The following NEGR1 variants were observed in gnomAD, a reference collection of about 807,000 sequenced individuals.
NEGR1 encodes the protein IgLON family member 4.
A neutral mutation model predicts 40.9 loss-of-function variants in NEGR1; 10 were observed. That is an observed-to-expected ratio of 0.24 (90% CI 0.15 to 0.42). NEGR1 has a LOEUF of 0.42. NEGR1 is among the 10% of genes least tolerant of loss of function. The probability of loss-of-function intolerance (pLI) is 1.00; values close to 1 mark genes in which losing one functional copy is unlikely to be tolerated. For synonymous variants in NEGR1, 185 were observed against 166.8 expected (o/e 1.11, Z -0.84); for missense variants, 352 against 438.9 (o/e 0.80, Z 1.77).
chr1:72,014,796 C>T (rs1283621067), intron 1 of NEGR1, among the ~76,000 whole-genome samples: 1 of 151,854 alleles, frequency 6.6e-6, no homozygotes, highest in Non-Finnish European at 1.5e-5. Flanking sequence ...CTCATTAAAC[C>T]AGAAATACCT....
At chr1:71,905,469 G>T (rs925062772) in intron 2 of NEGR1, among the ~76,000 whole-genome samples, 11 of 151,482 alleles carry the variant, frequency 7.3e-5, no homozygotes, top group African/African-American at 2.7e-4. Flanking sequence ...ATCATTATGT[G>T]GTTGGAATTT....
At chr1:72,145,828 A>G (rs2100344946) in intron 1 of NEGR1, among the ~76,000 whole-genome samples, 1 of 152,200 alleles carries the variant, frequency 6.6e-6, no homozygotes, top group African/African-American at 2.4e-5. Context: ...TTTTCTTAAA[A>G]TATTTTTTTC....
chr1:71,474,517 T>TACACACACACAC (rs57225665), intron 6 of NEGR1, among the ~76,000 whole-genome samples: 80 of 115,452 alleles, frequency 6.9e-4, no homozygotes, highest in Middle Eastern at 5.0e-3. Flanking sequence ...CTACTAACAA[T>TACACACACACAC]ACACACACAC....
intron 3 of NEGR1, among the ~76,000 whole-genome samples, chr1:71,706,320 A>G (rs977877760): frequency 2.0e-5 from 3 of 152,270 alleles, no homozygotes; most frequent in East Asian, 1.9e-4. Flanking sequence ...TGCCAGTCCA[A>G]GTGGTTTGAA....
At chr1:72,114,244 C>T (rs901426146) in intron 1 of NEGR1, among the ~76,000 whole-genome samples, 5 of 151,322 alleles carry the variant, frequency 3.3e-5, no homozygotes, top group South Asian at 4.1e-4. Context: ...TATGGTCAAC[C>T]TCATTCAATG....
intron 1 of NEGR1, among the ~76,000 whole-genome samples, chr1:71,942,580 C>T (rs1351376805): frequency 8.6e-6 from 1 of 116,840 alleles, no homozygotes; most frequent in Non-Finnish European, 1.7e-5. Context: ...CGGCTCACTG[C>T]AAGCTCCGCC....
rs147608850 is a variant in NEGR1 at position 71,782,349 on chromosome 1, T to A, written c.410-6052A>T. Among the ~76,000 whole-genome samples, 874 of 152,286 alleles carry A rather than the reference T, an allele frequency of 5.7e-3. 8 individuals carry two copies. The highest frequency in any genetic ancestry group is 0.02 in the African/African-American group (826 of 41,568). ...ACATTTCTGTTGATTATAAGCCATC[T>A]AGTTTATGGCATTTTTTATAGCGCC... On this transcript the variant is annotated intron_variant, in intron 2 of 6. Transcript: ENST00000357731.
chr1:71,999,490 C>T (rs1439220015), intron 1 of NEGR1, among the ~76,000 whole-genome samples: 1 of 150,732 alleles, frequency 6.6e-6, no homozygotes. Flanking sequence ...TGGATCTATG[C>T]ATCAGAACTG....
At chr1:72,245,562 A>T (rs532644226) in intron 1 of NEGR1, among the ~76,000 whole-genome samples, 1 of 152,282 alleles carries the variant, frequency 6.6e-6, no homozygotes, top group Admixed American at 6.5e-5. Flanking sequence ...TCAACTAGGC[A>T]TCAACTTTTA....
chr1:71,706,116 C>T (rs778676084), intron 3 of NEGR1, among the ~76,000 whole-genome samples: 1 of 152,174 alleles, frequency 6.6e-6, no homozygotes, highest in Non-Finnish European at 1.5e-5. Context: ...TGCCAGCCAC[C>T]CCCTTCCCCA....
At chr1:71,492,823 G>T (rs1274743448) in intron 6 of NEGR1, among the ~76,000 whole-genome samples, 4 of 151,998 alleles carry the variant, frequency 2.6e-5, no homozygotes, top group Admixed American at 6.6e-5. Flanking sequence ...ACAAAAATAT[G>T]TAAAAAATGA....
intron 1 of NEGR1, among the ~76,000 whole-genome samples, chr1:72,156,746 A>C (rs983443089): frequency 2.0e-5 from 3 of 152,166 alleles, no homozygotes; most frequent in African/African-American, 7.2e-5. Context: ...GAAGGGGAAA[A>C]GTTTCACACA....
intron 2 of NEGR1, among the ~76,000 whole-genome samples, chr1:71,910,839 G>T (rs1242628305): frequency 6.6e-6 from 1 of 151,946 alleles, no homozygotes; most frequent in Non-Finnish European, 1.5e-5. Context: ...CTTAGACTAT[G>T]GGCACACACT....
chr1:71,559,851 C>T (rs1461257818), intron 6 of NEGR1, among the ~76,000 whole-genome samples: 1 of 147,758 alleles, frequency 6.8e-6, no homozygotes, highest in Non-Finnish European at 1.5e-5. Flanking sequence ...AAAAAAAAAT[C>T]TTCAGGAATT....
intron 1 of NEGR1, among the ~76,000 whole-genome samples, chr1:72,186,820 T>C (rs1351740068): frequency 6.6e-6 from 1 of 151,590 alleles, no homozygotes; most frequent in Non-Finnish European, 1.5e-5. Flanking sequence ...TTAGAAGAAC[T>C]CTGAAAACTG....
chr1:71,983,116 G>C (rs2801321), intron 1 of NEGR1, among the ~76,000 whole-genome samples: 2 of 151,852 alleles, frequency 1.3e-5, no homozygotes, highest in African/African-American at 4.8e-5. Flanking sequence ...AACAACATGG[G>C]TCATAAATAT....
chr1:71,640,146 C>T (rs777783589), intron 4 of NEGR1, among the ~76,000 whole-genome samples: 29 of 152,030 alleles, frequency 1.9e-4, no homozygotes, highest in Non-Finnish European at 3.7e-4. Context: ...CAACAGTTTC[C>T]GGTATGGGTT....
intron 1 of NEGR1, among the ~76,000 whole-genome samples, chr1:72,035,948 GTTGTA>G (rs1399380893): frequency 1.3e-5 from 2 of 152,056 alleles, no homozygotes; most frequent in Admixed American, 6.5e-5. Context: ...TATCTCACTC[GTTGTA>G]TTGTAATAGT....
rs145360393 is a variant in NEGR1 at position 72,222,767 on chromosome 1, C to T, written c.176+59552G>A. On this transcript the variant is annotated intron_variant, in intron 1 of 6. Coordinates refer to ENST00000357731, the MANE Select transcript of NEGR1 (RefSeq NM_173808.3). ...CTGCCTGGTTCTCTTGGAATGCATG[C>T]TCTTGAAAATCTTCCTAGAATTCAG... Among the ~76,000 whole-genome samples, 637 of 152,244 alleles carry T rather than the reference C, an allele frequency of 4.2e-3. 12 individuals carry two copies. Among genetic ancestry groups the T allele is most frequent in the Admixed American group, 0.034 (516 of 15,266 alleles).
Sources: allele counts gnomAD v4.1 joint callset (sites outside exome capture counted in the v4.1 genomes callset), GRCh38; gene constraint gnomAD v4.1.1; transcripts MANE v1.5; gene names NCBI Gene and HGNC (gene_info 2026-07-23, HGNC 2026-07-21).